Variants in NKAIN3 observed in about 807,000 individuals in gnomAD.
The protein encoded by NKAIN3 is sodium/potassium-transporting ATPase subunit beta-1-interacting protein 3.
A neutral mutation model predicts 30.2 loss-of-function variants in NKAIN3; 25 were observed. That is an observed-to-expected ratio of 0.83 (90% confidence interval 0.60 to 1.16). The LOEUF (loss-of-function observed/expected upper bound fraction) is 1.16. Among genes scored for constraint, NKAIN3 ranks in the 50% most tolerant of loss-of-function variants. NKAIN3 has a pLI of 0.00. For missense variants in NKAIN3, 225 were observed against 254.1 expected (o/e 0.89, Z 0.78); for synonymous variants, 91 against 89.6 (o/e 1.02, Z -0.09).
chr8:62,441,299 G>C (rs1009275522), intron 1 of NKAIN3, among the ~76,000 whole-genome samples: 2 of 151,966 alleles, frequency 1.3e-5, no homozygotes, highest in Non-Finnish European at 2.9e-5. Flanking sequence ...TATCTGATAA[G>C]ATCAGCTGTT....
chr8:62,739,610 C>A (rs1815798465), intron 3 of NKAIN3, among the ~76,000 whole-genome samples: 1 of 151,950 alleles, frequency 6.6e-6, no homozygotes, highest in African/African-American at 2.4e-5. Flanking sequence ...ATAGCATTTT[C>A]CATGAACTTT....
At chr8:62,893,007 A>G (rs1219551796) in intron 4 of NKAIN3, among the ~76,000 whole-genome samples, 1 of 152,196 alleles carries the variant, frequency 6.6e-6, no homozygotes, top group African/African-American at 2.4e-5. Flanking sequence ...AGGTGGTTTA[A>G]TAAGAGGAAA....
At chr8:62,397,059 T>C (rs1817788719) in intron 1 of NKAIN3, among the ~76,000 whole-genome samples, 1 of 152,180 alleles carries the variant, frequency 6.6e-6, no homozygotes, top group African/African-American at 2.4e-5. Context: ...TCTAGAAGAA[T>C]CATCTTAAAA....
In NKAIN3 at chr8:62,489,538, G is replaced by A. The variant is rs149703862; in HGVS notation, c.55-90001G>A. On this transcript the variant is annotated intron_variant, in intron 1 of 6. Coordinates refer to ENST00000623646, the MANE Select transcript of NKAIN3 (RefSeq NM_001304533.3). ...CTCTATGCCTTGTTTTTAATATCTGGGTAACCAAGATTTTTTAAAAATAAA... is the reference window on the plus strand; with the variant it reads ...CTCTATGCCTTGTTTTTAATATCTGAGTAACCAAGATTTTTTAAAAATAAA... 5.2e-3 allele frequency among the ~76,000 whole-genome samples: 783 copies of A among 151,976 alleles called. 11 individuals are homozygous for A. Among genetic ancestry groups the A allele is most frequent in the African/African-American group, 0.018 (758 of 41,442 alleles).
chr8:62,670,878 A>AACAC (rs1554562468), intron 3 of NKAIN3, among the ~76,000 whole-genome samples: 2 of 65,236 alleles, frequency 3.1e-5, no homozygotes, highest in Non-Finnish European at 3.2e-5. Flanking sequence ...TACACATACA[A>AACAC]GCACACACAC....
At chr8:62,462,426 T>C (rs1806026748) in intron 1 of NKAIN3, among the ~76,000 whole-genome samples, 1 of 152,220 alleles carries the variant, frequency 6.6e-6, no homozygotes, top group Non-Finnish European at 1.5e-5. Context: ...GCTTCATCCT[T>C]GAACTAATTA....
At position 62,968,761 on chromosome 8, in the gene NKAIN3, C is replaced by T. The variant is rs1028688111; in HGVS notation, c.*3354C>T. On this transcript the variant is annotated 3_prime_UTR_variant, in exon 7 of 7. Coordinates refer to ENST00000623646, the MANE Select transcript of NKAIN3 (RefSeq NM_001304533.3). Reference sequence around the variant, plus strand: ...TGCCTTCTATCTTGTGTGAATGATGCATCCTTTCTTAAGCGTCTTCTGCTG... The same window carrying T: ...TGCCTTCTATCTTGTGTGAATGATGTATCCTTTCTTAAGCGTCTTCTGCTG... Among the ~76,000 whole-genome samples the T allele has an allele frequency of 6.6e-6, 1 of 152,186 alleles. No individual in the cohort carries two copies. Among genetic ancestry groups the T allele is most frequent in the Non-Finnish European group, 1.5e-5 (1 of 68,040 alleles).
rs1351328678 is a variant in NKAIN3 at position 62,810,754 on chromosome 8, CCACT to C, written c.471+63630_471+63633del. Among the ~76,000 whole-genome samples the C allele has an allele frequency of 2.0e-5, 3 of 148,840 alleles. No individual in the cohort carries two copies. In the East Asian group the frequency reaches 6.0e-4, roughly 30 times the overall value. ...ATGCCTGCATGTAGGTATGTATTTG[CCACT>C]CACTTGAAAAATGTACCTATATTTT... On this transcript the variant is annotated intron_variant, in intron 4 of 6. Coordinates refer to ENST00000623646, the MANE Select transcript of NKAIN3 (RefSeq NM_001304533.3).
Position 62,972,882 on chromosome 8 carries a change from G to A in NKAIN3, c.*7475G>A, listed in dbSNP as rs917691005. ...GATGTTCCCCTCCCTGTGCCCATAT[G>A]TTCTCATTGTTCAACTCCCACTTAA... On this transcript the variant is annotated 3_prime_UTR_variant, in exon 7 of 7. Coordinates refer to ENST00000623646, the MANE Select transcript of NKAIN3 (RefSeq NM_001304533.3). Among the ~76,000 whole-genome samples, 14 of 150,146 alleles carry A rather than the reference G, an allele frequency of 9.3e-5. No homozygotes were observed. Among genetic ancestry groups the A allele is most frequent in the Non-Finnish European group, 1.3e-4 (9 of 67,640 alleles).
intron 3 of NKAIN3, among the ~76,000 whole-genome samples, chr8:62,734,218 G>A (rs1324905045): frequency 6.6e-6 from 1 of 152,204 alleles, no homozygotes; most frequent in South Asian, 2.1e-4. Context: ...AGGAGGTGAA[G>A]GTTGCAGTGA....
At chr8:62,964,335 T>C (rs897392828) in intron 6 of NKAIN3, among the ~76,000 whole-genome samples, 5 of 152,182 alleles carry the variant, frequency 3.3e-5, no homozygotes, top group African/African-American at 1.2e-4. Context: ...AAGTATCATC[T>C]ATGTAGTAGG....
chr8:62,296,130 G>T (rs554403341), intron 1 of NKAIN3, among the ~76,000 whole-genome samples: 1 of 152,270 alleles, frequency 6.6e-6, no homozygotes, highest in South Asian at 2.1e-4. Flanking sequence ...CTCTTTTTGT[G>T]TTTGGAGAAA....
chr8:62,833,523 A>T lies in NKAIN3; in HGVS notation c.472-84930A>T, dbSNP rs537659169. 2.0e-5 allele frequency among the ~76,000 whole-genome samples: 3 copies of T among 152,218 alleles called. No homozygotes were observed. In the South Asian group the frequency reaches 6.2e-4, roughly 32 times the overall value. On this transcript the variant is annotated intron_variant, in intron 4 of 6. Transcript: ENST00000623646. ...AACCAATCCCACAGAAATATACAAAAGATCATCAAAGACTATTATGAACAC... is the reference window on the plus strand; with the variant it reads ...AACCAATCCCACAGAAATATACAAATGATCATCAAAGACTATTATGAACAC...
At chr8:62,505,251 T>C (rs1264707973) in intron 1 of NKAIN3, among the ~76,000 whole-genome samples, 3 of 152,214 alleles carry the variant, frequency 2.0e-5, no homozygotes, top group Non-Finnish European at 4.4e-5. Flanking sequence ...CAAATAATTT[T>C]GGGGTGAATT....
intron 1 of NKAIN3, among the ~76,000 whole-genome samples, chr8:62,394,945 G>A (rs1371195217): frequency 6.6e-6 from 1 of 150,780 alleles, no homozygotes; most frequent in Non-Finnish European, 1.5e-5. Context: ...AGATGGTGGG[G>A]CAGCCAAGCA....
intron 1 of NKAIN3, among the ~76,000 whole-genome samples, chr8:62,399,185 T>C (rs1240652112): frequency 6.6e-6 from 1 of 152,210 alleles, no homozygotes; most frequent in Non-Finnish European, 1.5e-5. Flanking sequence ...ACATCATTTT[T>C]TTCAGAAGAT....
chr8:62,696,847 T>A (rs547890012), intron 3 of NKAIN3, among the ~76,000 whole-genome samples: 108 of 152,312 alleles, frequency 7.1e-4, no homozygotes, highest in Non-Finnish European at 1.3e-3. Context: ...ATCTAGTTTG[T>A]GGGGATACTA....
At chr8:62,843,787 AT>A (rs1297439519) in intron 4 of NKAIN3, among the ~76,000 whole-genome samples, 3 of 151,946 alleles carry the variant, frequency 2.0e-5, no homozygotes, top group African/African-American at 7.2e-5. Context: ...TTTTTCACGC[AT>A]TTTTTTCTCA....
At chr8:62,495,607 G>A (rs1018513143) in intron 1 of NKAIN3, among the ~76,000 whole-genome samples, 1 of 150,504 alleles carries the variant, frequency 6.6e-6, no homozygotes, top group African/African-American at 2.4e-5. Flanking sequence ...TGGGAACAGA[G>A]GATTCAAAAA....
Sources: allele counts gnomAD v4.1 joint callset (sites outside exome capture counted in the v4.1 genomes callset), GRCh38; gene constraint gnomAD v4.1.1; transcripts MANE v1.5; gene names NCBI Gene and HGNC (gene_info 2026-07-23, HGNC 2026-07-21).